The following GRIA1 variants were observed in gnomAD, a reference collection of about 807,000 sequenced individuals.
The protein encoded by GRIA1 is glutamate ionotropic receptor AMPA type subunit 1, also known as glutamate receptor 1.
Under a neutral mutation model 99.2 loss-of-function variants are expected in GRIA1, and 31 were observed. The ratio of observed to expected loss-of-function variants is 0.31; its 90% CI spans 0.23 to 0.42. The LOEUF is 0.42. GRIA1 is among the 10% of genes least tolerant of loss of function. The pLI is 1.00. For synonymous variants in GRIA1, 438 were observed against 432.4 expected (o/e 1.01, Z -0.16); for missense variants, 782 against 1,157.5 (o/e 0.68, Z 4.71).
intron 2 of GRIA1, among the ~76,000 whole-genome samples, chr5:153,633,431 T>C (rs1476734372): frequency 2.0e-5 from 3 of 152,200 alleles, no homozygotes; most frequent in Non-Finnish European, 4.4e-5. Flanking sequence ...CTGCCATGTT[T>C]TGAGAAACTT....
In GRIA1 at chr5:153,705,693, T is replaced by TTTTTTAA; in HGVS notation, c.1453-4_1453-3insTTTTTAA. On this transcript the variant is annotated splice_polypyrimidine_tract_variant and splice_region_variant and intron_variant, in intron 10 of 15. Transcript: ENST00000285900. The stretch of plus-strand genomic sequence containing the variant: ...TTTTTTTTTTTTTTTTTTTTTTTTT[T>TTTTTTAA]CAGAGAGCAGATGTGGCTGTGGCTC... 9.1e-7 allele frequency: 1 copy of TTTTTTAA among 1,101,458 alleles called. No homozygotes were observed. The highest frequency in any genetic ancestry group is 1.2e-6 in the Non-Finnish European group (1 of 840,706). The allele number at this position is 1,101,458 out of a possible 1,614,324, so 68.2% of individuals were successfully genotyped here.
intron 2 of GRIA1, among the ~76,000 whole-genome samples, chr5:153,502,458 T>C (rs1437178630): frequency 6.6e-6 from 1 of 152,192 alleles, no homozygotes; most frequent in East Asian, 1.9e-4. Context: ...TCCAAAGTTA[T>C]GGGGGTGAAA....
At chr5:153,778,192 A>AGAGTGT (rs1322249458) in intron 13 of GRIA1, among the ~76,000 whole-genome samples, 3 of 37,310 alleles carry the variant, frequency 8.0e-5, no homozygotes, top group African/African-American at 3.5e-4. Flanking sequence ...AGAGAGAGAG[A>AGAGTGT]GTGTGTGTGT....
At chr5:153,666,595 T>C (rs1755764219) in intron 5 of GRIA1, among the ~76,000 whole-genome samples, 1 of 152,178 alleles carries the variant, frequency 6.6e-6, no homozygotes, top group Non-Finnish European at 1.5e-5. Flanking sequence ...TCTTTTTACT[T>C]GTTGGTCTCT....
chr5:153,563,083 GA>G (rs1328029353), intron 2 of GRIA1, among the ~76,000 whole-genome samples: 3 of 150,614 alleles, frequency 2.0e-5, no homozygotes, highest in Non-Finnish European at 4.4e-5. Flanking sequence ...GGCTGAGGCA[GA>G]AGAATCACTT....
chr5:153,581,250 T>C (rs1763018848), intron 2 of GRIA1, among the ~76,000 whole-genome samples: 1 of 152,222 alleles, frequency 6.6e-6, no homozygotes, highest in Non-Finnish European at 1.5e-5. Context: ...CTTAAACATT[T>C]ACTCCTCTCT....
intron 2 of GRIA1, among the ~76,000 whole-genome samples, chr5:153,548,904 A>T (rs1427803814): frequency 3.9e-5 from 6 of 152,188 alleles, no homozygotes; most frequent in Admixed American, 3.9e-4. Context: ...CATGTTAATA[A>T]ATAGGCATTC....
intron 5 of GRIA1, among the ~76,000 whole-genome samples, chr5:153,661,305 A>G (rs1395284397): frequency 6.6e-6 from 1 of 152,158 alleles, no homozygotes; most frequent in East Asian, 1.9e-4. Flanking sequence ...TCTGACTTTT[A>G]TACTTATTAG....
At chr5:153,687,723 T>G (rs1757438091) in intron 8 of GRIA1, among the ~76,000 whole-genome samples, 1 of 152,208 alleles carries the variant, frequency 6.6e-6, no homozygotes, top group Admixed American at 6.5e-5. Flanking sequence ...AAGTTCTCTT[T>G]GTCCACTCTC....
chr5:153,696,603 G>A (rs764238041), intron 8 of GRIA1, among the ~76,000 whole-genome samples: 20 of 152,218 alleles, frequency 1.3e-4, no homozygotes, highest in Admixed American at 6.5e-5. Flanking sequence ...GAAGGAACTG[G>A]GAAAGACATG....
intron 2 of GRIA1, among the ~76,000 whole-genome samples, chr5:153,574,652 T>C (rs1414071946): frequency 6.6e-6 from 1 of 152,162 alleles, no homozygotes; most frequent in Non-Finnish European, 1.5e-5. Context: ...TGAAGTGCTT[T>C]ATTGATTATC....
rs115166125 is a variant in GRIA1, at chr5:153,675,757, G to A, written c.861+1096G>A. Among the ~76,000 whole-genome samples, 275 of 152,244 alleles carry A rather than the reference G, an allele frequency of 1.8e-3. 2 individuals are homozygous for A. Among genetic ancestry groups the A allele is most frequent in the Non-Finnish European group, 2.7e-3 (186 of 68,008 alleles). The stretch of plus-strand genomic sequence containing the variant: ...AACAAAATCGCAAATATGCTTTCAA[G>A]CAATGAGAAAACTACATAGGAATTA... On this transcript the variant is annotated intron_variant, in intron 6 of 15. Transcript: ENST00000285900.
chr5:153,780,266 T>C (rs957668851), intron 13 of GRIA1, among the ~76,000 whole-genome samples: 3 of 152,214 alleles, frequency 2.0e-5, no homozygotes, highest in African/African-American at 7.2e-5. Flanking sequence ...GCTCTGCCAC[T>C]TGGGGCTTAT....
intron 2 of GRIA1, among the ~76,000 whole-genome samples, chr5:153,540,861 T>C (rs998936757): frequency 6.6e-6 from 1 of 152,120 alleles, no homozygotes. Context: ...GAAGAATCTA[T>C]ACAAGCCTCT....
intron 2 of GRIA1, among the ~76,000 whole-genome samples, chr5:153,532,780 C>T (rs376980752): frequency 2.8e-4 from 43 of 152,208 alleles, no homozygotes; most frequent in Non-Finnish European, 5.3e-4. Context: ...TCAATACCTG[C>T]GGTCAAACAT....
intron 11 of GRIA1, among the ~76,000 whole-genome samples, chr5:153,722,536 C>T (rs1357550718): frequency 2.6e-5 from 4 of 152,088 alleles, no homozygotes; most frequent in Non-Finnish European, 5.9e-5. Context: ...CATAGATATC[C>T]TATTGAACTT....
At chr5:153,644,934 T>A (rs969860431) in intron 2 of GRIA1, among the ~76,000 whole-genome samples, 13 of 151,812 alleles carry the variant, frequency 8.6e-5, no homozygotes, top group African/African-American at 3.1e-4. Context: ...TTAGGTGAAG[T>A]CAGAGGAGCA....
chr5:153,610,285 C>A (rs1268990332), intron 2 of GRIA1, among the ~76,000 whole-genome samples: 2 of 152,138 alleles, frequency 1.3e-5, no homozygotes, highest in Admixed American at 1.3e-4. Context: ...CTCTGGGATC[C>A]AAGTAGGATG....
intron 2 of GRIA1, among the ~76,000 whole-genome samples, chr5:153,623,213 C>A (rs564098242): frequency 6.6e-6 from 1 of 151,888 alleles, no homozygotes; most frequent in South Asian, 2.1e-4. Flanking sequence ...GAGCACTGGG[C>A]TCAATTGGAA....
Sources: allele counts gnomAD v4.1 joint callset (sites outside exome capture counted in the v4.1 genomes callset), GRCh38; gene constraint gnomAD v4.1.1; transcripts MANE v1.5; gene names NCBI Gene and HGNC (gene_info 2026-07-23, HGNC 2026-07-21).